Variants in KLF12 observed in about 807,000 individuals in gnomAD.
The protein encoded by KLF12 is Krueppel-like factor 12.
In KLF12, 9 loss-of-function variants were observed where a neutral mutation model predicts 37.8. The ratio of observed to expected loss-of-function variants is 0.24; its 90% confidence interval spans 0.14 to 0.42. The LOEUF (loss-of-function observed/expected upper bound fraction) is 0.42. Among genes scored for constraint, KLF12 ranks in the 10% least tolerant of loss-of-function variants. The probability of loss-of-function intolerance (pLI) is 1.00; values close to 1 mark genes in which losing one functional copy is unlikely to be tolerated. For missense variants in KLF12, 411 were observed against 516.0 expected (o/e 0.80, Z 1.97); for synonymous variants, 208 against 202.1 (o/e 1.03, Z -0.25).
chr13:73,775,374 G>T (rs1196241704), intron 5 of KLF12, among the ~76,000 whole-genome samples: 1 of 152,150 alleles, frequency 6.6e-6, no homozygotes, highest in East Asian at 1.9e-4. Flanking sequence ...TTCAAAGGTT[G>T]ATAAAATAAT....
At chr13:74,062,601 T>A (rs186660905) in intron 1 of KLF12, among the ~76,000 whole-genome samples, 12 of 152,204 alleles carry the variant, frequency 7.9e-5, no homozygotes, top group Admixed American at 7.2e-4. Context: ...ACAAGTATTT[T>A]CTTCCACTTT....
intron 1 of KLF12, among the ~76,000 whole-genome samples, chr13:74,091,924 C>T (rs189636645): frequency 2.0e-5 from 3 of 151,692 alleles, no homozygotes; most frequent in East Asian, 1.9e-4. Context: ...GCAGAGGGTA[C>T]GTGTGACACT....
chr13:74,122,954 G>A (rs1252193061), intron 1 of KLF12, among the ~76,000 whole-genome samples: 1 of 107,764 alleles, frequency 9.3e-6, no homozygotes, highest in Non-Finnish European at 1.8e-5. Flanking sequence ...AGACAAAACA[G>A]GTCACTAAAA....
the KLF12 span, among the ~76,000 whole-genome samples, chr13:74,260,159 C>CGGAG: frequency 6.6e-6 from 1 of 152,042 alleles, no homozygotes; most frequent in African/African-American, 2.4e-5. Context: ...CATGCACACA[C>CGGAG]GGAGGTAACT....
chr13:73,798,103 A>G (rs1882092949), intron 5 of KLF12, among the ~76,000 whole-genome samples: 1 of 152,184 alleles, frequency 6.6e-6, no homozygotes, highest in African/African-American at 2.4e-5. Context: ...TGTGGGGCTA[A>G]AACAACCAAT....
intron 3 of KLF12, among the ~76,000 whole-genome samples, chr13:73,846,609 GAT>G (rs1237463156): frequency 1.3e-5 from 2 of 152,134 alleles, no homozygotes; most frequent in African/African-American, 4.8e-5. Flanking sequence ...CATTGGGACA[GAT>G]AGACAATTAT....
rs1874293695 is a variant in KLF12 at position 73,698,309 on chromosome 13, G to A, written c.1028-2638C>T. Among the ~76,000 whole-genome samples, 2 of 152,124 alleles carry A rather than the reference G, an allele frequency of 1.3e-5. 1 individual carries two copies. The highest frequency in any genetic ancestry group is 4.1e-4 in the South Asian group (2 of 4,822). On this transcript the variant is annotated intron_variant, in intron 7 of 7. Coordinates refer to ENST00000377669, the MANE Select transcript of KLF12 (RefSeq NM_007249.5). ...GGTTCCATAACAGGAGTGCACCTGG[G>A]GAGGAGAGGTAGACAAGAACTTCCA...
At chr13:73,739,160 C>T (rs748829612) in intron 6 of KLF12, among the ~76,000 whole-genome samples, 23 of 151,624 alleles carry the variant, frequency 1.5e-4, no homozygotes, top group Non-Finnish European at 2.4e-4. Flanking sequence ...CTTGAACCCA[C>T]GAGGTGGAGG....
intron 3 of KLF12, among the ~76,000 whole-genome samples, chr13:73,901,901 G>A (rs547643762): frequency 2.3e-4 from 35 of 152,228 alleles, no homozygotes; most frequent in African/African-American, 8.4e-4. Flanking sequence ...TTATCTTAAA[G>A]GTTGTTTTTA....
intron 1 of KLF12, among the ~76,000 whole-genome samples, chr13:74,031,003 T>C (rs1014600085): frequency 7.2e-5 from 11 of 152,160 alleles, no homozygotes; most frequent in South Asian, 2.1e-4. Context: ...CAAGGTACTA[T>C]ATATTTTTAA....
intron 3 of KLF12, among the ~76,000 whole-genome samples, chr13:73,846,586 G>C (rs967600969): frequency 6.6e-6 from 1 of 152,078 alleles, no homozygotes; most frequent in African/African-American, 2.4e-5. Flanking sequence ...CTACCATAAA[G>C]ACATTTTCAT....
chr13:74,133,161 G>A (rs1268060576), intron 1 of KLF12, among the ~76,000 whole-genome samples: 1 of 152,154 alleles, frequency 6.6e-6, no homozygotes, highest in Non-Finnish European at 1.5e-5. Flanking sequence ...AATAATGAAT[G>A]TAGCACCAGG....
chr13:73,983,870 A>G, intron 2 of KLF12, among the ~76,000 whole-genome samples: 1 of 152,200 alleles, frequency 6.6e-6, no homozygotes. Context: ...GCCACAAATA[A>G]TCTTGCAGGT....
the KLF12 span, among the ~76,000 whole-genome samples, chr13:74,211,917 C>T: frequency 6.6e-6 from 1 of 152,128 alleles, no homozygotes; most frequent in East Asian, 1.9e-4. Context: ...ATTCACTGAT[C>T]TTTTGATATA....
chr13:73,705,538 G>T (rs1874871538), intron 7 of KLF12, among the ~76,000 whole-genome samples: 1 of 152,176 alleles, frequency 6.6e-6, no homozygotes, highest in African/African-American at 2.4e-5. Context: ...CTCCCAAAGA[G>T]CTAGGATTAC....
At chr13:73,809,247 C>T (rs9318218) in intron 5 of KLF12, among the ~76,000 whole-genome samples, 100,618 of 151,920 alleles carry the variant, frequency 0.66, 33,714 homozygotes, top group Middle Eastern at 0.75. Context: ...GCTAATCTGA[C>T]ATTTTATCCT....
intron 4 of KLF12, among the ~76,000 whole-genome samples, chr13:73,836,930 T>C (rs944716431): frequency 6.6e-6 from 1 of 152,184 alleles, no homozygotes; most frequent in African/African-American, 2.4e-5. Context: ...ATAAATAAAA[T>C]AGTGTGCCAG....
chr13:74,265,657 G>A, the KLF12 span, among the ~76,000 whole-genome samples: 6 of 152,142 alleles, frequency 3.9e-5, no homozygotes, highest in African/African-American at 1.4e-4. Flanking sequence ...CTTGACCCAA[G>A]CCCATCTCAC....
At chr13:73,990,717 CTG>C (rs1222353217) in intron 2 of KLF12, among the ~76,000 whole-genome samples, 4 of 151,566 alleles carry the variant, frequency 2.6e-5, no homozygotes, top group African/African-American at 7.3e-5. Context: ...TTTTAATTAA[CTG>C]TTAATAATAT....
Sources: allele counts gnomAD v4.1 joint callset (sites outside exome capture counted in the v4.1 genomes callset), GRCh38; gene constraint gnomAD v4.1.1; transcripts MANE v1.5; gene names NCBI Gene and HGNC (gene_info 2026-07-23, HGNC 2026-07-21).